RRM1: variants seen among roughly 807,000 people sequenced by gnomAD.
RRM1 encodes ribonucleotide reductase catalytic subunit M1.
In RRM1, 19 loss-of-function variants were observed where a neutral mutation model predicts 101.5. The observed-to-expected ratio is 0.19, with a 90% CI of 0.13 to 0.27. The LOEUF (loss-of-function observed/expected upper bound fraction) is 0.27, where lower values mean the gene tolerates loss of function less well. Among genes scored for constraint, RRM1 ranks in the 10% least tolerant of loss-of-function variants. RRM1 has a pLI of 1.00. For missense variants in RRM1, 500 were observed against 962.9 expected (o/e 0.52, Z 6.36); for synonymous variants, 298 against 323.4 (o/e 0.92, Z 0.84).
intron 9 of RRM1, 134 bp downstream of exon 9, chr11:4,120,062 A>G (rs1359079332): frequency 3.4e-6 from 2 of 593,518 alleles, no homozygotes; most frequent in South Asian, 4.1e-5. Context: ...AGGAGGTATA[A>G]TTATTTTAAT....
At chr11:4,126,193 C>T (rs992793407) in intron 12 of RRM1, among the ~76,000 whole-genome samples, 7 of 152,092 alleles carry the variant, frequency 4.6e-5, no homozygotes, top group African/African-American at 1.4e-4. Context: ...GTGAGGTGGA[C>T]GTGTGTGTTT....
intron 2 of RRM1, among the ~76,000 whole-genome samples, chr11:4,104,590 T>C (rs757648244): frequency 2.6e-5 from 4 of 152,146 alleles, no homozygotes; most frequent in Non-Finnish European, 5.9e-5. Context: ...CCAGAAGACT[T>C]GTATAATAAT....
At position 4,121,627 on chromosome 11, in the gene RRM1, C is replaced by G; in HGVS notation, c.900C>G (p.Tyr300Ter). Residue 300 changes from tyrosine to a stop codon, truncating the protein, a stop_gained, in exon 10 of 19, where the codon TAC (tyrosine) becomes TAG (stop). Coordinates refer to ENST00000300738, the MANE Select transcript of RRM1 (RefSeq NM_001033.5). LOFTEE classifies it high-confidence loss of function. ...GNKRPGAFAI[Y>*]LEPWHLDIFE... ...AGCGTCCTGGGGCATTTGCTATTTA[C>G]CTGGAGCCTTGGCATTTAGACATCT... The G allele has an allele frequency of 6.2e-7, 1 of 1,613,298 alleles. No individual in the cohort carries two copies.
intron 17 of RRM1, 118 bp downstream of exon 17, chr11:4,133,776 T>C (rs1421951281): frequency 1.7e-6 from 1 of 598,648 alleles, no homozygotes; most frequent in Non-Finnish European, 3.0e-6. Flanking sequence ...GTTTTGCTTG[T>C]GTAGCTCTGT....
At chr11:4,108,423 C>A (rs1389093395) in intron 4 of RRM1, among the ~76,000 whole-genome samples, 1 of 151,620 alleles carries the variant, frequency 6.6e-6, no homozygotes, top group African/African-American at 2.4e-5. Context: ...ACGGTGAAAC[C>A]CCGTCTCTAC....
intron 18 of RRM1, among the ~76,000 whole-genome samples, chr11:4,135,612 C>T (rs2094608130): frequency 1.3e-5 from 2 of 152,126 alleles, no homozygotes; most frequent in Non-Finnish European, 2.9e-5. Context: ...TTATTCTAAA[C>T]TGACCTTATT....
chr11:4,133,920 C>G (rs1020996444), intron 17 of RRM1, among the ~76,000 whole-genome samples: 1 of 151,620 alleles, frequency 6.6e-6, no homozygotes, highest in Non-Finnish European at 1.5e-5. Context: ...CTTTTAAAAT[C>G]CTGAAGCTTA....
rs980881627 is a variant in RRM1 at position 4,132,875 on chromosome 11, G to C, written c.1905+454G>C. ...CAGGTAATTCTTATGTGTAGCTAGG[G>C]TTGAGAACCTCAATTTAAAAGACTA... On this transcript the variant is annotated intron_variant, in intron 16 of 18. Coordinates refer to ENST00000300738, the MANE Select transcript of RRM1 (RefSeq NM_001033.5). This position sits in a 1 kb window ranked among gnomAD's most constrained non-coding sequence, Gnocchi z 4.1. Among the ~76,000 whole-genome samples, 4 of 152,122 alleles carry C rather than the reference G, an allele frequency of 2.6e-5. No homozygotes were observed. Among genetic ancestry groups the C allele is most frequent in the African/African-American group, 7.2e-5 (3 of 41,434 alleles).
At chr11:4,100,774 G>T (rs1335579484) in intron 1 of RRM1, among the ~76,000 whole-genome samples, 1 of 152,084 alleles carries the variant, frequency 6.6e-6, no homozygotes, top group African/African-American at 2.4e-5. Context: ...TAATTTTATT[G>T]TCACAGTAAA....
chr11:4,121,932 C>T (rs1349447675), intron 10 of RRM1, among the ~76,000 whole-genome samples, 167 bp downstream of exon 10: 1 of 152,190 alleles, frequency 6.6e-6, no homozygotes, highest in Non-Finnish European at 1.5e-5. Context: ...TTTCTATTCT[C>T]TAAAGTAGAT....
intron 11 of RRM1, 141 bp downstream of exon 11, chr11:4,122,361 G>A: frequency 1.7e-6 from 1 of 585,664 alleles, no homozygotes; most frequent in Non-Finnish European, 2.9e-6. Context: ...GGTCAGATTT[G>A]CTTCCTGACT....
In RRM1 at chr11:4,123,401, C is replaced by A. The variant is rs775430712; in HGVS notation, c.1320+17C>A. The A allele has an allele frequency of 1.9e-6, 3 of 1,597,984 alleles. No individual in the cohort carries two copies. The highest frequency in any genetic ancestry group is 2.6e-6 in the Non-Finnish European group (3 of 1,165,484). On this transcript the variant is annotated intron_variant, in intron 12 of 18. Transcript: ENST00000300738. ...AAAGATGAGGTAGGTAGAAAAAATT[C>A]TTCCTAGAGTACTAAGAAGAGAACC...
chr11:4,107,371 C>T lies in RRM1; in HGVS notation c.287-64C>T. 5.4e-6 allele frequency: 6 copies of T among 1,111,266 alleles called. No individual in the cohort carries two copies. The South Asian group carries it at 7.6e-5, about 14-fold the overall frequency. 68.8% of individuals were successfully genotyped at this position (1,111,266 alleles called of 1,614,324 possible). ...TGAGAACCACTGTTTTCAACTATTACCTAAAGATTGAATTAGCTGTTAAGT... is the reference window on the plus strand; with the variant it reads ...TGAGAACCACTGTTTTCAACTATTATCTAAAGATTGAATTAGCTGTTAAGT... On this transcript the variant is annotated intron_variant, in intron 3 of 18. Coordinates refer to ENST00000300738, the MANE Select transcript of RRM1 (RefSeq NM_001033.5).
At chr11:4,105,765 A>G in intron 2 of RRM1, 1 of 401,878 alleles carries the variant, frequency 2.5e-6, no homozygotes, top group Non-Finnish European at 4.6e-6. Flanking sequence ...TGGTCTTCCT[A>G]GCTTGCCCAG....
At position 4,094,864 on chromosome 11, in the gene RRM1, G is replaced by GA; in HGVS notation, c.-146dup. 1.3e-6 allele frequency: 1 copy of GA among 799,638 alleles called. No homozygotes were observed. Among genetic ancestry groups the GA allele is most frequent in the Non-Finnish European group, 2.1e-6 (1 of 477,038 alleles). 49.5% of individuals were successfully genotyped at this position (799,638 alleles called of 1,614,324 possible). A position where few individuals can be genotyped will look rare whatever the true frequency, so the allele number is the denominator to read the frequency against. ...TGGATTGTTGCGCCTCTGCTCTGAA[G>GA]AAAGTGCTGTCTGGCTCCAACTCCA... On this transcript the variant is annotated 5_prime_UTR_variant, in exon 1 of 19. Coordinates refer to ENST00000300738, the MANE Select transcript of RRM1 (RefSeq NM_001033.5).
intron 1 of RRM1, among the ~76,000 whole-genome samples, chr11:4,097,046 A>C (rs556099711): frequency 6.6e-6 from 1 of 151,586 alleles, no homozygotes; most frequent in African/African-American, 2.4e-5. Context: ...GCACTTTGGG[A>C]GGCTGAGGTG....
Position 4,132,249 on chromosome 11 carries a change from C to T in RRM1, c.1770-37C>T, listed in dbSNP as rs2094601802. On this transcript the variant is annotated intron_variant, in intron 15 of 18. Transcript: ENST00000300738. The surrounding 1 kb of genome is among the most constrained non-coding windows in gnomAD (Gnocchi z 4.1). ...TAGCTGCTTTCCTGGCAGATTGTAG[C>T]TTTGGGACTAGTACCTGATAATCTC... is the stretch of plus-strand genomic sequence containing the variant. 1 of 1,611,028 alleles carries T rather than the reference C, an allele frequency of 6.2e-7. No individual in the cohort carries two copies. Among genetic ancestry groups the T allele is most frequent in the African/African-American group, 1.3e-5 (1 of 74,840 alleles).
chr11:4,124,827 G>GT (rs764390839), intron 12 of RRM1, among the ~76,000 whole-genome samples: 141 of 120,312 alleles, frequency 1.2e-3, no homozygotes, highest in African/African-American at 3.6e-3. Flanking sequence ...ACAATTCAGT[G>GT]TTTTTTTTCT....
intron 4 of RRM1, 99 bp from the exon 5 acceptor site, chr11:4,109,545 G>A: frequency 1.2e-6 from 1 of 808,594 alleles, no homozygotes; most frequent in Non-Finnish European, 2.0e-6. Flanking sequence ...TGTATCCTGT[G>A]TTGATTTTAG....
Sources: gnomAD v4.1 joint callset for allele counts (sites outside exome capture counted in the v4.1 genomes callset) on GRCh38, gnomAD v4.1.1 for gene constraint, Gnocchi (gnomAD v3.1) non-coding constraint, MANE v1.5 for transcripts, NCBI Gene and HGNC (gene_info 2026-07-23, HGNC 2026-07-21) for gene names.